GPR158: variants seen among roughly 807,000 people sequenced by gnomAD.
The protein encoded by GPR158 is G protein-coupled receptor 158.
In GPR158, 30 loss-of-function variants were observed where a neutral mutation model predicts 78.2. That is an observed-to-expected ratio of 0.38 (90% CI 0.29 to 0.52). The LOEUF is 0.52. Among genes scored for constraint, GPR158 ranks in the 20% least tolerant of loss-of-function variants. The pLI, the probability that GPR158 is intolerant of heterozygous loss-of-function variation, is 0.83. For synonymous variants in GPR158, 581 were observed against 591.1 expected, an observed-to-expected ratio of 0.98 and a Z score of 0.25; for missense variants, 1,463 against 1,523.5, an observed-to-expected ratio of 0.96 and a Z score of 0.66.
At chr10:25,189,149 G>T (rs765125183) in intron 1 of GPR158, among the ~76,000 whole-genome samples, 2 of 152,194 alleles carry the variant, frequency 1.3e-5, no homozygotes, top group African/African-American at 2.4e-5. Flanking sequence ...TGCTGGAGAG[G>T]ATGTGGAGAA....
At position 25,214,560 on chromosome 10, in the gene GPR158, C is replaced by T. The variant is rs554686716; in HGVS notation, c.903-6492C>T. ...TTCCACTAATGTCCCTTTTTTGCTC[C>T]AGGATATAAATCAGGATACCATATA... On this transcript the variant is annotated intron_variant, in intron 1 of 10. Transcript: ENST00000376351. 2.6e-4 allele frequency among the ~76,000 whole-genome samples: 40 copies of T among 151,606 alleles called. No homozygotes were observed. The East Asian group carries it at 7.8e-3, about 30-fold the overall frequency.
intron 2 of GPR158, among the ~76,000 whole-genome samples, chr10:25,366,328 C>G (rs1855723045): frequency 6.6e-6 from 1 of 151,404 alleles, no homozygotes; most frequent in South Asian, 2.1e-4. Flanking sequence ...CAGATTACAT[C>G]AATTTATACA....
intron 1 of GPR158, among the ~76,000 whole-genome samples, chr10:25,198,075 A>G (rs1413887235): frequency 1.3e-5 from 2 of 152,236 alleles, no homozygotes; most frequent in African/African-American, 4.8e-5. Flanking sequence ...GTCACCTATT[A>G]TCAGATTTTG....
chr10:25,508,053 T>C (rs1272124902), intron 5 of GPR158, among the ~76,000 whole-genome samples: 1 of 152,258 alleles, frequency 6.6e-6, no homozygotes, highest in Non-Finnish European at 1.5e-5. Flanking sequence ...AATTCCCATA[T>C]CAGTCAAGGG....
intron 2 of GPR158, among the ~76,000 whole-genome samples, chr10:25,265,435 T>C (rs1468976594): frequency 2.0e-5 from 3 of 152,172 alleles, no homozygotes; most frequent in African/African-American, 4.8e-5. Context: ...CCCTATAGAC[T>C]TGAGTTGGGC....
chr10:25,503,233 C>T (rs973551190), intron 5 of GPR158, among the ~76,000 whole-genome samples: 6 of 151,640 alleles, frequency 4.0e-5, no homozygotes, highest in Non-Finnish European at 5.9e-5. Flanking sequence ...TATAATCAAC[C>T]GGACATGGTT....
chr10:25,510,080 C>T (rs1292909483), intron 5 of GPR158, among the ~76,000 whole-genome samples: 4 of 152,224 alleles, frequency 2.6e-5, no homozygotes, highest in African/African-American at 7.2e-5. Flanking sequence ...CTCTACTGGA[C>T]GAGGCAGTTA....
chr10:25,469,206 C>A (rs1030454414), intron 5 of GPR158, among the ~76,000 whole-genome samples: 1 of 152,156 alleles, frequency 6.6e-6, no homozygotes, highest in Admixed American at 6.6e-5. Context: ...CATCTAGCCT[C>A]AAAGTTTAAG....
At chr10:25,374,606 G>T (rs1834048880) in intron 2 of GPR158, among the ~76,000 whole-genome samples, 1 of 151,522 alleles carries the variant, frequency 6.6e-6, no homozygotes, top group Non-Finnish European at 1.5e-5. Flanking sequence ...TTTCTTCTCT[G>T]CTTCTAAAAT....
intron 4 of GPR158, among the ~76,000 whole-genome samples, chr10:25,429,335 TTTATC>T (rs368996073): frequency 2.7e-4 from 41 of 152,218 alleles, no homozygotes; most frequent in African/African-American, 9.9e-4. Flanking sequence ...TAGAAGAAGT[TTTATC>T]TGAAAAATAT....
At chr10:25,249,240 A>C (rs1289202702) in intron 2 of GPR158, among the ~76,000 whole-genome samples, 3 of 152,248 alleles carry the variant, frequency 2.0e-5, no homozygotes, top group Admixed American at 1.3e-4. Flanking sequence ...CTAGATATAC[A>C]ATCATGTCAT....
At chr10:25,465,729 A>C (rs918569292) in intron 4 of GPR158, among the ~76,000 whole-genome samples, 1 of 152,180 alleles carries the variant, frequency 6.6e-6, no homozygotes, top group African/African-American at 2.4e-5. Flanking sequence ...GACCTTGTGC[A>C]TGTGCTTTTT....
chr10:25,579,909 C>CTGAT, intron 7 of GPR158, among the ~76,000 whole-genome samples: 1 of 152,146 alleles, frequency 6.6e-6, no homozygotes, highest in East Asian at 1.9e-4. Flanking sequence ...TTCTGTATCA[C>CTGAT]TGATATAGCC....
At chr10:25,192,862 T>C (rs1299387403) in intron 1 of GPR158, among the ~76,000 whole-genome samples, 7 of 152,154 alleles carry the variant, frequency 4.6e-5, no homozygotes, top group African/African-American at 1.4e-4. Context: ...TGGTACAGCA[T>C]TCAATCAATC....
chr10:25,383,388 A>T (rs72798044), intron 2 of GPR158, among the ~76,000 whole-genome samples: 14,729 of 152,242 alleles, frequency 0.097, 803 homozygotes, highest in South Asian at 0.22. Flanking sequence ...AAGGAGAGCT[A>T]TGCATTTGCC....
intron 2 of GPR158, among the ~76,000 whole-genome samples, chr10:25,372,582 A>T (rs529303539): frequency 1.4e-5 from 2 of 147,686 alleles, no homozygotes; most frequent in East Asian, 4.0e-4. Flanking sequence ...ATTGGAAATC[A>T]CCATTCTCAG....
intron 2 of GPR158, among the ~76,000 whole-genome samples, chr10:25,391,039 C>T (rs1474563002): frequency 1.3e-5 from 2 of 152,208 alleles, no homozygotes; most frequent in East Asian, 1.9e-4. Context: ...AAGCCCCAAA[C>T]CTTGGTGGCT....
intron 5 of GPR158, among the ~76,000 whole-genome samples, chr10:25,507,564 A>G (rs1019765889): frequency 6.6e-6 from 1 of 152,246 alleles, no homozygotes; most frequent in African/African-American, 2.4e-5. Context: ...CATAAATCTG[A>G]CTATAGAAAT....
intron 5 of GPR158, among the ~76,000 whole-genome samples, chr10:25,521,775 C>T (rs11014592): frequency 0.091 from 13,849 of 152,146 alleles, 820 homozygotes; most frequent in African/African-American, 0.16. Flanking sequence ...CATCAAATGA[C>T]TTTAGTAGAC....
Sources: gnomAD v4.1 joint callset for allele counts (sites outside exome capture counted in the v4.1 genomes callset) on GRCh38, gnomAD v4.1.1 for gene constraint, MANE v1.5 for transcripts, NCBI Gene and HGNC (gene_info 2026-07-23, HGNC 2026-07-21) for gene names.